The following HS3ST5 variants were observed in gnomAD, a reference collection of about 807,000 sequenced individuals.
The protein encoded by HS3ST5 is heparan sulfate-glucosamine 3-sulfotransferase 5.
HS3ST5 carries 10 observed loss-of-function variants against 25.4 expected under a neutral mutation model. The observed-to-expected ratio is 0.39, with a 90% CI of 0.24 to 0.67. The LOEUF (loss-of-function observed/expected upper bound fraction) is 0.67, where lower values mean the gene tolerates loss of function less well. Among genes scored for constraint, HS3ST5 ranks in the 30% least tolerant of loss-of-function variants. HS3ST5 has a pLI of 0.44. For missense variants in HS3ST5, 324 were observed against 420.7 expected (o/e 0.77, Z 2.01); for synonymous variants, 170 against 162.4 (o/e 1.05, Z -0.36).
At chr6:114,335,468 G>T (rs2114930125) in intron 1 of HS3ST5, among the ~76,000 whole-genome samples, 1 of 152,180 alleles carries the variant, frequency 6.6e-6, no homozygotes, top group Non-Finnish European at 1.5e-5. Flanking sequence ...GTAACCTAAA[G>T]TTTTCAACTC....
chr6:114,215,335 GCAACAAAAAA>G (rs1302450221), intron 2 of HS3ST5, among the ~76,000 whole-genome samples: 1 of 151,854 alleles, frequency 6.6e-6, no homozygotes, highest in Non-Finnish European at 1.5e-5. Context: ...AGAAACAACA[GCAACAAAAAA>G]CTCAGGACAG....
At chr6:114,267,254 A>C (rs1219839613) in intron 1 of HS3ST5, among the ~76,000 whole-genome samples, 1 of 152,220 alleles carries the variant, frequency 6.6e-6, no homozygotes, top group Non-Finnish European at 1.5e-5. Flanking sequence ...TTGCTTCAAT[A>C]AGAAAAGGTA....
chr6:114,302,638 T>C (rs1476935178), intron 1 of HS3ST5, among the ~76,000 whole-genome samples: 1 of 152,194 alleles, frequency 6.6e-6, no homozygotes, highest in Admixed American at 6.5e-5. Flanking sequence ...ATTTTCTGGG[T>C]AAGCTTCAAC....
intron 2 of HS3ST5, among the ~76,000 whole-genome samples, chr6:114,207,795 T>TA (rs1260068101): frequency 6.6e-6 from 1 of 152,204 alleles, no homozygotes; most frequent in African/African-American, 2.4e-5. Flanking sequence ...TATTATACTA[T>TA]TAACATACCT....
rs555808793 is a variant in HS3ST5, at chr6:114,212,903, G to A, written c.-145+15682C>T. 1.7e-4 allele frequency among the ~76,000 whole-genome samples: 26 copies of A among 152,282 alleles called. No homozygotes were observed. In the East Asian group the frequency reaches 4.8e-3, roughly 28 times the overall value. ...GGTGAGTGGATGCAGGGGCTAGGTC[G>A]AGTGCTTCTGGGTGCTGACAGGACT... On this transcript the variant is annotated intron_variant, in intron 2 of 4. Coordinates refer to ENST00000312719, the MANE Select transcript of HS3ST5 (RefSeq NM_153612.4).
At chr6:114,176,352 A>G (rs941650173) in intron 2 of HS3ST5, among the ~76,000 whole-genome samples, 3 of 152,348 alleles carry the variant, frequency 2.0e-5, no homozygotes, top group African/African-American at 7.2e-5. Flanking sequence ...TTATACATAA[A>G]TGATCCACGG....
chr6:114,339,702 T>C (rs1198001915), intron 1 of HS3ST5, among the ~76,000 whole-genome samples: 3 of 152,182 alleles, frequency 2.0e-5, no homozygotes, highest in Non-Finnish European at 4.4e-5. Context: ...CAGATAGTTA[T>C]ATTACTCTAA....
chr6:114,335,746 C>T (rs2114931025), intron 1 of HS3ST5, among the ~76,000 whole-genome samples: 1 of 151,972 alleles, frequency 6.6e-6, no homozygotes, highest in African/African-American at 2.4e-5. Flanking sequence ...CCTCCATTTC[C>T]CGGGTTCAAG....
In HS3ST5 at chr6:114,342,283, CG is replaced by C. The variant is rs1776917486; in HGVS notation, c.-428del. The C allele has an allele frequency of 6.5e-6, 1 of 152,820 alleles. No homozygotes were observed. The highest frequency in any genetic ancestry group is 1.5e-5 in the Non-Finnish European group (1 of 68,350). The allele number at this position is 152,820 out of a possible 1,614,324, so 9.5% of individuals were successfully genotyped here. ...CGTGGGGGTCACCCGGCCGCTGCTG[CG>C]GTCCGGACGGCAGTTGGTCCAGTAG... On this transcript the variant is annotated 5_prime_UTR_variant, in exon 1 of 5. Coordinates refer to ENST00000312719, the MANE Select transcript of HS3ST5 (RefSeq NM_153612.4).
intron 3 of HS3ST5, among the ~76,000 whole-genome samples, chr6:114,126,044 A>T (rs1777021838): frequency 6.6e-6 from 1 of 152,210 alleles, no homozygotes; most frequent in Non-Finnish European, 1.5e-5. Context: ...ATCAAAGAGC[A>T]GCGTGAATCT....
At chr6:114,176,981 A>T (rs1237439330) in intron 2 of HS3ST5, among the ~76,000 whole-genome samples, 4 of 152,126 alleles carry the variant, frequency 2.6e-5, no homozygotes, top group Non-Finnish European at 5.9e-5. Context: ...TCCTGTTTTC[A>T]GTCATCTGTG....
chr6:114,193,424 C>T (rs1160588811), intron 2 of HS3ST5, among the ~76,000 whole-genome samples: 1 of 152,148 alleles, frequency 6.6e-6, no homozygotes, highest in Non-Finnish European at 1.5e-5. Context: ...GAAAACCTCG[C>T]AGAACACAGA....
At chr6:114,131,808 A>G (rs894893297) in intron 3 of HS3ST5, among the ~76,000 whole-genome samples, 1 of 152,194 alleles carries the variant, frequency 6.6e-6, no homozygotes, top group African/African-American at 2.4e-5. Context: ...TCTGATTAGT[A>G]ACATTCATTA....
chr6:114,076,509 T>C (rs1331155149), intron 3 of HS3ST5, among the ~76,000 whole-genome samples: 1 of 152,220 alleles, frequency 6.6e-6, no homozygotes, highest in Non-Finnish European at 1.5e-5. Flanking sequence ...TCATACTGCC[T>C]ATTACTGGGA....
chr6:114,296,195 T>C (rs926606918), intron 1 of HS3ST5, among the ~76,000 whole-genome samples: 1 of 152,332 alleles, frequency 6.6e-6, no homozygotes, highest in East Asian at 1.9e-4. Context: ...AAAGGCATGT[T>C]ATGGCCCACT....
chr6:114,138,936 CT>C, intron 3 of HS3ST5, among the ~76,000 whole-genome samples: 1 of 152,288 alleles, frequency 6.6e-6, no homozygotes, highest in Middle Eastern at 3.4e-3. Context: ...CAAGGGAGCT[CT>C]CCCAGATCTC....
At chr6:114,156,640 T>C (rs1334864317) in intron 3 of HS3ST5, among the ~76,000 whole-genome samples, 1 of 152,204 alleles carries the variant, frequency 6.6e-6, no homozygotes, top group East Asian at 1.9e-4. Flanking sequence ...GATCTCCTTT[T>C]TGACAAATCT....
At chr6:114,087,154 C>CTTCCTCCAATTCACCCTTA (rs1774882869) in intron 3 of HS3ST5, among the ~76,000 whole-genome samples, 1 of 152,170 alleles carries the variant, frequency 6.6e-6, no homozygotes, top group Non-Finnish European at 1.5e-5. Context: ...TGACCTCCCT[C>CTTCCTCCAATTCACCCTTA]TTCCTCCAAT....
At chr6:114,161,552 T>C (rs1778964011) in intron 3 of HS3ST5, among the ~76,000 whole-genome samples, 1 of 92,118 alleles carries the variant, frequency 1.1e-5, no homozygotes, top group South Asian at 3.6e-4. Flanking sequence ...TATATATATA[T>C]ATATATATAT....
Sources: allele counts gnomAD v4.1 joint callset (sites outside exome capture counted in the v4.1 genomes callset), GRCh38; gene constraint gnomAD v4.1.1; transcripts MANE v1.5; gene names NCBI Gene and HGNC (gene_info 2026-07-23, HGNC 2026-07-21).